Variants in ERLIN1 observed in about 807,000 individuals in gnomAD.
The protein encoded by ERLIN1 is ER lipid raft associated 1, also known as erlin-1.
ERLIN1 carries 24 observed loss-of-function variants against 46.9 expected under a neutral mutation model. That is an observed-to-expected ratio of 0.51 (90% CI 0.37 to 0.72). The LOEUF (loss-of-function observed/expected upper bound fraction) is 0.72, where lower values mean the gene tolerates loss of function less well. ERLIN1 is among the 30% of genes least tolerant of loss of function. The pLI is 0.00. For synonymous variants in ERLIN1, 158 were observed against 143.2 expected (o/e 1.10, Z -0.74); for missense variants, 293 against 417.9 (o/e 0.70, Z 2.61).
At chr10:100,160,012 C>G (rs1843279332) in intron 8 of ERLIN1, among the ~76,000 whole-genome samples, 1 of 151,838 alleles carries the variant, frequency 6.6e-6, no homozygotes, top group Non-Finnish European at 1.5e-5. Flanking sequence ...AAAATTGATA[C>G]AGCAAAAGAA....
intron 6 of ERLIN1, among the ~76,000 whole-genome samples, chr10:100,168,840 C>T (rs946392879): frequency 4.6e-5 from 7 of 151,942 alleles, no homozygotes; most frequent in South Asian, 2.1e-4. Flanking sequence ...CCACCAAGCC[C>T]GACTAATTTT....
chr10:100,171,671 A>C (rs942226029), intron 6 of ERLIN1, among the ~76,000 whole-genome samples: 6 of 152,190 alleles, frequency 3.9e-5, no homozygotes, highest in Non-Finnish European at 5.9e-5. Flanking sequence ...TCAGCCTCCT[A>C]AAGTGGTGGG....
intron 7 of ERLIN1, among the ~76,000 whole-genome samples, chr10:100,165,109 C>G (rs1843559684): frequency 6.6e-6 from 1 of 152,114 alleles, no homozygotes; most frequent in Non-Finnish European, 1.5e-5. Context: ...AACCACGTGG[C>G]AGAAATGGTA....
intron 6 of ERLIN1, among the ~76,000 whole-genome samples, chr10:100,171,134 C>T (rs1023641957): frequency 1.3e-5 from 2 of 152,110 alleles, no homozygotes; most frequent in African/African-American, 4.8e-5. Flanking sequence ...AATTGCTATA[C>T]TTTTAAGGTG....
At position 100,178,138 on chromosome 10, in the gene ERLIN1, T is replaced by C. The variant is rs771834845; in HGVS notation, c.299A>G (p.Tyr100Cys). The C allele has an allele frequency of 6.4e-7, 1 of 1,574,546 alleles. No homozygotes were observed. Residue 100 changes from tyrosine to cysteine, a missense_variant, in exon 4 of 11, where the codon TAT (tyrosine) becomes TGT (cysteine). By Grantham distance (194) the Tyr-to-Cys change is radical. Around this residue, in one of 3 missense-constraint regions of ERLIN1, gnomAD observed 148 missense variants for 266.5 expected, o/e 0.56. Coordinates refer to ENST00000421367, the MANE Select transcript of ERLIN1 (RefSeq NM_006459.4). ...CAGGTAGATGGGTAACATACCTGCATAAGGAGCCAACATATTAACCACTTC... is the reference window on the plus strand; with the variant it reads ...CAGGTAGATGGGTAACATACCTGCACAAGGAGCCAACATATTAACCACTTC... ...RIEVVNMLAP[Y>C]AVFDIVRNYT...
At position 100,181,524 on chromosome 10, in the gene ERLIN1, T is replaced by TA. The variant is rs975215728; in HGVS notation, c.195+2231_195+2232insT. On this transcript the variant is annotated intron_variant, in intron 2 of 10. Transcript: ENST00000421367. ...CTCTTAAGAACACTCTTTTTTTTTTTTTTTTTTTGAGACGGAGTCTTCCTC... is the reference window on the plus strand; with the variant it reads ...CTCTTAAGAACACTCTTTTTTTTTTTATTTTTTTTGAGACGGAGTCTTCCTC... Among the ~76,000 whole-genome samples the TA allele has an allele frequency of 3.6e-4, 55 of 150,818 alleles. 1 individual carries two copies. Among genetic ancestry groups the TA allele is most frequent in the Admixed American group, 7.9e-4 (12 of 15,180 alleles).
At chr10:100,171,408 CTATT>C (rs113440910) in intron 6 of ERLIN1, among the ~76,000 whole-genome samples, 1 of 151,852 alleles carries the variant, frequency 6.6e-6, no homozygotes, top group Non-Finnish European at 1.5e-5. Flanking sequence ...TATACAAATG[CTATT>C]TATTTATTTA....
intron 5 of ERLIN1, 67 bp downstream of exon 5, chr10:100,175,878 C>A: frequency 7.0e-7 from 1 of 1,435,698 alleles, no homozygotes; most frequent in Non-Finnish European, 9.6e-7. Context: ...CCAATATAAC[C>A]TCAATAAGTA....
At chr10:100,161,870 C>T (rs1365128911) in intron 8 of ERLIN1, among the ~76,000 whole-genome samples, 1 of 152,072 alleles carries the variant, frequency 6.6e-6, no homozygotes, top group East Asian at 1.9e-4. Flanking sequence ...TGGCTTGCCA[C>T]TTGAAAAAAT....
In ERLIN1 at chr10:100,179,265, T is replaced by G. The variant is rs1425265280; in HGVS notation, c.196-18A>C. Reference sequence around the variant, plus strand: ...AGTGTTGTCTAGGGAGGAAAAGATATCTCATCAACACTCAAGACACACATT... The same window carrying G: ...AGTGTTGTCTAGGGAGGAAAAGATAGCTCATCAACACTCAAGACACACATT... On this transcript the variant is annotated intron_variant, in intron 2 of 10. Transcript: ENST00000421367. 1 of 1,574,388 alleles carries G rather than the reference T, an allele frequency of 6.4e-7. No homozygotes were observed. Among genetic ancestry groups the G allele is most frequent in the African/African-American group, 1.3e-5 (1 of 74,218 alleles).
chr10:100,179,345 T>A, intron 2 of ERLIN1, 98 bp from the exon 3 acceptor site: 1 of 742,912 alleles, frequency 1.3e-6, no homozygotes, highest in Middle Eastern at 2.3e-4. Flanking sequence ...TGACAGTAAG[T>A]ACAGCAGAGA....
chr10:100,154,968 A>G (rs1229569240), intron 9 of ERLIN1, 29 bp from the exon 10 acceptor site: 2 of 1,563,416 alleles, frequency 1.3e-6, no homozygotes, highest in East Asian at 2.2e-5. Context: ...AAAGGTGTCA[A>G]TCCATTCCCT....
At chr10:100,162,190 A>T (rs926580649) in intron 8 of ERLIN1, among the ~76,000 whole-genome samples, 7 of 152,182 alleles carry the variant, frequency 4.6e-5, no homozygotes, top group African/African-American at 1.7e-4. Flanking sequence ...GACTCTTACA[A>T]ATCAACTCAA....
chr10:100,162,429 G>T (rs778659721), intron 8 of ERLIN1, among the ~76,000 whole-genome samples: 2 of 152,172 alleles, frequency 1.3e-5, no homozygotes, highest in Non-Finnish European at 2.9e-5. Flanking sequence ...AAATATGGCA[G>T]CATAGAAACT....
chr10:100,184,587 G>A (rs993541148), intron 1 of ERLIN1, among the ~76,000 whole-genome samples: 3 of 152,204 alleles, frequency 2.0e-5, no homozygotes, highest in Admixed American at 1.3e-4. Flanking sequence ...AACAAGGAAA[G>A]ATGAACTGTT....
intron 10 of ERLIN1, among the ~76,000 whole-genome samples, chr10:100,154,161 T>G (rs1334412790): frequency 2.6e-5 from 4 of 152,172 alleles, no homozygotes; most frequent in African/African-American, 9.7e-5. Context: ...CTATCGGAGT[T>G]CTAGCTGCCT....
At position 100,153,688 on chromosome 10, in the gene ERLIN1, G is replaced by T. The variant is rs76330802; in HGVS notation, c.825+1172C>A. On this transcript the variant is annotated intron_variant, in intron 10 of 10. Coordinates refer to ENST00000421367, the MANE Select transcript of ERLIN1 (RefSeq NM_006459.4). The stretch of plus-strand genomic sequence containing the variant: ...TCTTCCTCAAGCCTTTTTAATATAG[G>T]TTAGTATCTGAGTCACATTTTTCAA... 2.6e-5 allele frequency among the ~76,000 whole-genome samples: 4 copies of T among 152,234 alleles called. No individual in the cohort carries two copies. In the East Asian group the frequency reaches 7.7e-4, roughly 29 times the overall value.
intron 6 of ERLIN1, among the ~76,000 whole-genome samples, chr10:100,172,348 A>C (rs1419343656): frequency 6.6e-6 from 1 of 152,230 alleles, no homozygotes; most frequent in Non-Finnish European, 1.5e-5. Context: ...ATAACAAATG[A>C]TGTTATCCCT....
intron 2 of ERLIN1, among the ~76,000 whole-genome samples, chr10:100,181,706 G>A (rs763968375): frequency 6.6e-6 from 1 of 152,074 alleles, no homozygotes; most frequent in African/African-American, 2.4e-5. Context: ...TAGACACAGC[G>A]TTTGACCAGG....
Sources: allele counts gnomAD v4.1 joint callset (sites outside exome capture counted in the v4.1 genomes callset), GRCh38; gene constraint gnomAD v4.1.1; regional missense constraint gnomAD v4.1.1; transcripts MANE v1.5; gene names NCBI Gene and HGNC (gene_info 2026-07-23, HGNC 2026-07-21).